The following ADAMTS12 variants were observed in gnomAD, a reference collection of about 807,000 sequenced individuals.
The protein encoded by ADAMTS12 is A disintegrin and metalloproteinase with thrombospondin motifs 12.
A neutral mutation model predicts 167.8 loss-of-function variants in ADAMTS12; 118 were observed. The ratio of observed to expected loss-of-function variants is 0.70; its 90% CI spans 0.61 to 0.82. The LOEUF is 0.82. ADAMTS12 is among the 40% of genes least tolerant of loss of function. ADAMTS12 has a pLI of 0.00. For missense variants in ADAMTS12, 1,916 were observed against 1,998.8 expected (o/e 0.96, Z 0.79); for synonymous variants, 704 against 716.9 (o/e 0.98, Z 0.29).
At chr5:33,753,916 C>G (rs1017150510) in intron 2 of ADAMTS12, among the ~76,000 whole-genome samples, 2 of 152,184 alleles carry the variant, frequency 1.3e-5, no homozygotes, top group African/African-American at 4.8e-5. Context: ...AGCCAGAGAT[C>G]TGCTGACATG....
chr5:33,740,860 G>A (rs1005249395), intron 3 of ADAMTS12, among the ~76,000 whole-genome samples: 7 of 152,232 alleles, frequency 4.6e-5, no homozygotes, highest in African/African-American at 9.7e-5. Flanking sequence ...GGATGTTGGC[G>A]AGAGGTGGAC....
chr5:33,653,595 G>C (rs577605750), intron 7 of ADAMTS12, among the ~76,000 whole-genome samples: 1 of 152,018 alleles, frequency 6.6e-6, no homozygotes, highest in Admixed American at 6.6e-5. Flanking sequence ...GTTGTCGACA[G>C]GTCTTTTCTT....
chr5:33,586,689 G>C (rs566076278), intron 18 of ADAMTS12, among the ~76,000 whole-genome samples: 2 of 152,266 alleles, frequency 1.3e-5, no homozygotes, highest in East Asian at 3.9e-4. Flanking sequence ...TTTTGGATGC[G>C]GCCAACACAT....
intron 20 of ADAMTS12, among the ~76,000 whole-genome samples, chr5:33,555,414 G>A (rs775843378): frequency 3.3e-5 from 5 of 152,054 alleles, no homozygotes; most frequent in Non-Finnish European, 7.4e-5. Context: ...GCCGGGCTAA[G>A]TTTTTTTGTA....
At chr5:33,886,188 T>C (rs570255609) in intron 1 of ADAMTS12, among the ~76,000 whole-genome samples, 4 of 152,200 alleles carry the variant, frequency 2.6e-5, no homozygotes, top group Non-Finnish European at 2.9e-5. Context: ...TATTGCCCAA[T>C]AAATAAAAGA....
intron 2 of ADAMTS12, among the ~76,000 whole-genome samples, chr5:33,847,077 G>A (rs1224169365): frequency 6.6e-6 from 1 of 152,164 alleles, no homozygotes; most frequent in Non-Finnish European, 1.5e-5. Flanking sequence ...ACTTCGTGGG[G>A]GTCTGTCCTA....
chr5:33,553,407 A>G (rs1284359829), intron 20 of ADAMTS12, among the ~76,000 whole-genome samples: 1 of 152,256 alleles, frequency 6.6e-6, no homozygotes, highest in East Asian at 1.9e-4. Context: ...ATAAAGACAC[A>G]TGTACGCATA....
At chr5:33,614,414 A>G (rs1165074964) in intron 15 of ADAMTS12, 38 bp from the exon 16 acceptor site, 1 of 1,605,746 alleles carries the variant, frequency 6.2e-7, no homozygotes, top group South Asian at 1.1e-5. Context: ...AACTGTCATG[A>G]CTTTATACCA....
intron 11 of ADAMTS12, among the ~76,000 whole-genome samples, chr5:33,640,844 T>G (rs1196497786): frequency 6.7e-6 from 1 of 149,706 alleles, no homozygotes; most frequent in Non-Finnish European, 1.5e-5. Context: ...ATATATGTAA[T>G]GTATACATGC....
At chr5:33,649,136 G>T (rs1428148508) in intron 8 of ADAMTS12, among the ~76,000 whole-genome samples, 170 bp from the exon 9 acceptor site, 1 of 152,154 alleles carries the variant, frequency 6.6e-6, no homozygotes, top group African/African-American at 2.4e-5. Flanking sequence ...TAAAGAAAAT[G>T]CAAATCATAT....
At chr5:33,702,974 C>G (rs542197040) in intron 3 of ADAMTS12, among the ~76,000 whole-genome samples, 1 of 152,302 alleles carries the variant, frequency 6.6e-6, no homozygotes, top group South Asian at 2.1e-4. Flanking sequence ...TTCCTACAAC[C>G]TGTTCATCCA....
intron 3 of ADAMTS12, among the ~76,000 whole-genome samples, chr5:33,731,401 T>C (rs775292412): frequency 5.9e-5 from 9 of 152,214 alleles, no homozygotes; most frequent in Non-Finnish European, 1.3e-4. Flanking sequence ...GACAGCCATG[T>C]ACACAGCACA....
intron 2 of ADAMTS12, among the ~76,000 whole-genome samples, chr5:33,769,414 A>G (rs968027788): frequency 6.6e-6 from 1 of 152,210 alleles, no homozygotes; most frequent in Admixed American, 6.5e-5. Context: ...GACCTAATCC[A>G]GACAAAAGCT....
At chr5:33,776,740 G>C (rs1168831789) in intron 2 of ADAMTS12, among the ~76,000 whole-genome samples, 1 of 151,780 alleles carries the variant, frequency 6.6e-6, no homozygotes, top group African/African-American at 2.4e-5. Context: ...AAATGAAATA[G>C]AAACTAGAAA....
At chr5:33,565,272 C>T (rs1745953869) in intron 19 of ADAMTS12, among the ~76,000 whole-genome samples, 1 of 152,208 alleles carries the variant, frequency 6.6e-6, no homozygotes, top group South Asian at 2.1e-4. Flanking sequence ...TCTCATGCTT[C>T]AGGCTCCCGA....
chr5:33,781,997 C>T (rs891050589), intron 2 of ADAMTS12, among the ~76,000 whole-genome samples: 1 of 152,060 alleles, frequency 6.6e-6, no homozygotes, highest in Non-Finnish European at 1.5e-5. Context: ...TAAAGCTCAG[C>T]TGAATTATGG....
At chr5:33,856,350 T>C (rs1220812003) in intron 2 of ADAMTS12, among the ~76,000 whole-genome samples, 1 of 152,174 alleles carries the variant, frequency 6.6e-6, no homozygotes, top group African/African-American at 2.4e-5. Context: ...AACATAAAGC[T>C]GGGCCAAATC....
At chr5:33,823,081 A>AC (rs1478693746) in intron 2 of ADAMTS12, among the ~76,000 whole-genome samples, 48 of 119,692 alleles carry the variant, frequency 4.0e-4, no homozygotes, top group African/African-American at 1.5e-3. Flanking sequence ...ACAGAGGAAG[A>AC]CCCCATTTCT....
At chr5:33,660,459 G>GT (rs1306620470) in intron 6 of ADAMTS12, among the ~76,000 whole-genome samples, 1 of 152,206 alleles carries the variant, frequency 6.6e-6, no homozygotes, top group East Asian at 1.9e-4. Flanking sequence ...ACATAGCACA[G>GT]TGCCTGGTCC....
Sources: allele counts gnomAD v4.1 joint callset (sites outside exome capture counted in the v4.1 genomes callset), GRCh38; gene constraint gnomAD v4.1.1; transcripts MANE v1.5; gene names NCBI Gene and HGNC (gene_info 2026-07-23, HGNC 2026-07-21).